RECQL: variants seen among roughly 807,000 people sequenced by gnomAD.
RECQL encodes ATP-dependent DNA helicase Q1.
Under a neutral mutation model 75.8 loss-of-function variants are expected in RECQL, and 73 were observed. That is an observed-to-expected ratio of 0.96 (90% confidence interval 0.80 to 1.17). The LOEUF is 1.17. Ranked by LOEUF, RECQL falls within the 50% of genes most tolerant of loss-of-function variation. The pLI, the probability that RECQL is intolerant of heterozygous loss-of-function variation, is 0.00. For missense variants in RECQL, 699 were observed against 772.1 expected (o/e 0.91, Z 1.12); for synonymous variants, 248 against 254.4 (o/e 0.97, Z 0.24).
rs369137817 is a variant in RECQL at position 21,490,248 on chromosome 12, T to C, written c.345A>G (p.Thr115=). 1.7e-5 allele frequency: 28 copies of C among 1,613,174 alleles called. No individual in the cohort carries two copies. In the African/African-American group the frequency reaches 3.3e-4, roughly 19 times the overall value. The change falls in exon 4 of 15, where the codon ACA becomes ACG. Residue 115 remains threonine, a synonymous_variant. Transcript: ENST00000444129. ...AGKEVFLVMP[T]GGGKSLCYQL... The stretch of plus-strand genomic sequence containing the variant: ...GGTAACATAAGCTCTTTCCACCTCC[T>C]GTAGGCATAACAAGAAATACCTCCT...
At position 21,474,947 on chromosome 12, in the gene RECQL, A is replaced by G; in HGVS notation, c.1249T>C (p.Tyr417His). The G allele has an allele frequency of 6.2e-7, 1 of 1,613,088 alleles. No homozygotes were observed. Among genetic ancestry groups the G allele is most frequent in the Non-Finnish European group, 8.5e-7 (1 of 1,179,232 alleles). The change falls in exon 11 of 15, where the codon TAC (tyrosine) becomes CAC (histidine). Residue 417 changes from tyrosine to histidine, a missense_variant. By Grantham distance (83) the Tyr-to-His change is moderately conservative. Transcript: ENST00000444129. Reference sequence around the variant, plus strand: ...CTGAATATATCTCCAAAGCCGTAGTACAAAATACAGTCTGCTTTCATGTCA... The same window carrying G: ...CTGAATATATCTCCAAAGCCGTAGTGCAAAATACAGTCTGCTTTCATGTCA... ...RDDMKADCIL[Y>H]YGFGDIFRIS...
intron 2 of RECQL, among the ~76,000 whole-genome samples, chr12:21,493,868 CT>C (rs1336905355): frequency 2.6e-5 from 4 of 152,296 alleles, no homozygotes; most frequent in Admixed American, 2.6e-4. Context: ...AAGATGTAAC[CT>C]GTCAAAAGAC....
intron 7 of RECQL, among the ~76,000 whole-genome samples, chr12:21,477,471 A>C (rs1343904585): frequency 6.6e-6 from 1 of 152,238 alleles, no homozygotes; most frequent in Non-Finnish European, 1.5e-5. Context: ...ATTTGAACAG[A>C]GATGTTATTA....
chr12:21,475,060 C>T (rs1057386678), intron 10 of RECQL, 81 bp from the exon 11 acceptor site: 3 of 1,418,144 alleles, frequency 2.1e-6, no homozygotes, highest in African/African-American at 2.8e-5. Flanking sequence ...GTAAAATTAG[C>T]AGGCAATGTT....
rs575787377 is a variant in RECQL at position 21,473,202 on chromosome 12, G to T, written c.1447+349C>A. Among the ~76,000 whole-genome samples the T allele has an allele frequency of 2.0e-5, 3 of 152,212 alleles. No individual in the cohort carries two copies. The South Asian group carries it at 6.2e-4, about 32-fold the overall frequency. On this transcript the variant is annotated intron_variant, in intron 12 of 14. Coordinates refer to ENST00000444129, the MANE Select transcript of RECQL (RefSeq NM_002907.4). ...CACGTATATGCCAGTGGTCCCAAGAGATTATATAATACCATATATTTTTTT... is the reference window on the plus strand; with the variant it reads ...CACGTATATGCCAGTGGTCCCAAGATATTATATAATACCATATATTTTTTT...
In RECQL at chr12:21,501,232, G is replaced by A. The variant is rs888290366; in HGVS notation, c.-108C>T. On this transcript the variant is annotated 5_prime_UTR_variant, in exon 1 of 15. Transcript: ENST00000444129. ...CCAATCCTCCTGCATGGAAAAGAAT[G>A]GGGAGATCAGAAGACCGGTCAGCAG... 5.9e-5 allele frequency: 9 copies of A among 152,166 alleles called. No homozygotes were observed. Among genetic ancestry groups the A allele is most frequent in the African/African-American group, 2.2e-4 (9 of 41,420 alleles). The allele number at this position is 152,166 out of a possible 1,614,324, so 9.4% of individuals were successfully genotyped here.
At chr12:21,498,047 C>A (rs146257688) in intron 2 of RECQL, among the ~76,000 whole-genome samples, 21 of 152,324 alleles carry the variant, frequency 1.4e-4, no homozygotes, top group African/African-American at 4.8e-4. Flanking sequence ...CAGGAATTCA[C>A]GGAATTCCTA....
At position 21,475,727 on chromosome 12, in the gene RECQL, C is replaced by A. The variant is rs1347038157; in HGVS notation, c.1047G>T (p.Glu349Asp). 1 of 1,613,508 alleles carries A rather than the reference C, an allele frequency of 6.2e-7. No homozygotes were observed. The highest frequency in any genetic ancestry group is 1.7e-5 in the Admixed American group (1 of 59,998). The change falls in exon 9 of 15, where the codon GAG (glutamate) becomes GAT (aspartate). Residue 349 changes from glutamate to aspartate, a missense_variant. Around this residue, in one of 2 missense-constraint regions of RECQL, gnomAD observed 669 missense variants for 713.5 expected, o/e 0.94. Transcript: ENST00000444129. Reference sequence around the variant, plus strand: ...TATGAACTGTGGTCTTATCTTCTGGCTCCAAATTGGCATGGTAAGCACCTG... The same window carrying A: ...TATGAACTGTGGTCTTATCTTCTGGATCCAAATTGGCATGGTAAGCACCTG... ...IHAGAYHANL[E>D]PEDKTTVHRK...
chr12:21,482,921 T>TTGTA (rs1943219331), intron 6 of RECQL, among the ~76,000 whole-genome samples: 2 of 151,864 alleles, frequency 1.3e-5, no homozygotes, highest in African/African-American at 4.8e-5. Context: ...TGCTGAGGAG[T>TTGTA]TGTATGTGGG....
intron 8 of RECQL, 109 bp downstream of exon 8, chr12:21,476,802 C>T (rs1336911326): frequency 1.8e-6 from 1 of 544,120 alleles, no homozygotes; most frequent in Non-Finnish European, 3.1e-6. Context: ...TTCTGCTATA[C>T]ATTAATTTTT....
At chr12:21,496,950 T>G (rs1045814384) in intron 2 of RECQL, among the ~76,000 whole-genome samples, 1 of 152,230 alleles carries the variant, frequency 6.6e-6, no homozygotes, top group African/African-American at 2.4e-5. Context: ...TGAATGCAGA[T>G]GTTATATGAC....
At chr12:21,487,291 C>G (rs1943324048) in intron 4 of RECQL, among the ~76,000 whole-genome samples, 3 of 151,962 alleles carry the variant, frequency 2.0e-5, no homozygotes, top group African/African-American at 7.3e-5. Context: ...CCAAAAAAAC[C>G]AGATTTTTAA....
At chr12:21,499,465 T>G (rs1389688646) in intron 2 of RECQL, 90 bp downstream of exon 2, 2 of 1,210,088 alleles carry the variant, frequency 1.7e-6, no homozygotes, top group Non-Finnish European at 2.3e-6. Flanking sequence ...ATCATTTCTA[T>G]AATCAGAATT....
At chr12:21,499,934 G>C (rs1366744489) in intron 1 of RECQL, among the ~76,000 whole-genome samples, 4 of 152,178 alleles carry the variant, frequency 2.6e-5, no homozygotes, top group African/African-American at 9.7e-5. Flanking sequence ...AAGATACAAA[G>C]TGATGTAACA....
At chr12:21,473,438 T>C in intron 12 of RECQL, 113 bp downstream of exon 12, 1 of 776,196 alleles carries the variant, frequency 1.3e-6, no homozygotes, top group African/African-American at 1.7e-5. Context: ...AAGTACACTT[T>C]GATGTTTGCA....
Position 21,471,508 on chromosome 12 carries a change from T to A in RECQL, c.1587A>T (p.Val529=). Residue 529 remains valine, a synonymous_variant, in exon 13 of 15, where the codon GTA becomes GTT. Transcript: ENST00000444129. The part of the protein sequence containing the change: ...WMGKGAAKLR[V]AGVVAPTLPR... ...GAAGTGTGGGAGCCACAACACCTGC[T>A]ACTCTCAGTTTTGCTGCACCCTTTC... 6.2e-7 allele frequency: 1 copy of A among 1,612,912 alleles called. No individual in the cohort carries two copies. Among genetic ancestry groups the A allele is most frequent in the Non-Finnish European group, 8.5e-7 (1 of 1,179,374 alleles).
chr12:21,474,366 A>G (rs1216316765), intron 11 of RECQL, among the ~76,000 whole-genome samples: 10 of 152,074 alleles, frequency 6.6e-5, no homozygotes, highest in Admixed American at 6.6e-4. Context: ...CACAAAGATA[A>G]CTATGACAGA....
intron 2 of RECQL, among the ~76,000 whole-genome samples, chr12:21,493,881 T>C (rs1367347745): frequency 2.0e-5 from 3 of 152,174 alleles, no homozygotes; most frequent in Non-Finnish European, 2.9e-5. Flanking sequence ...TCAAAAGACA[T>C]GATATGCACC....
Position 21,487,086 on chromosome 12 carries a change from CAAGGT to C in RECQL, c.395-506_395-502del, listed in dbSNP as rs1435379264. Among the ~76,000 whole-genome samples, 9 of 103,830 alleles carry C rather than the reference CAAGGT, an allele frequency of 8.7e-5. No homozygotes were observed. The Admixed American group carries it at 1.0e-3, about 12-fold the overall frequency. The allele number at this position is 103,830 out of a possible 152,430, so 68.1% of individuals were successfully genotyped here. ...AATTAGATATGAATAAATGACCAAA[CAAGGT>C]AAGTAGAAGCCAAATAAACATACAA... On this transcript the variant is annotated intron_variant, in intron 4 of 14. Coordinates refer to ENST00000444129, the MANE Select transcript of RECQL (RefSeq NM_002907.4).
Sources: allele counts gnomAD v4.1 joint callset (sites outside exome capture counted in the v4.1 genomes callset), GRCh38; gene constraint gnomAD v4.1.1; regional missense constraint gnomAD v4.1.1; transcripts MANE v1.5; gene names NCBI Gene and HGNC (gene_info 2026-07-23, HGNC 2026-07-21).